Variants in TAFA1 observed in about 807,000 individuals in gnomAD.
TAFA1 encodes chemokine-like protein TAFA-1.
TAFA1 carries 4 observed loss-of-function variants against 18.5 expected under a neutral mutation model. The observed-to-expected ratio is 0.22, with a 90% CI of 0.11 to 0.49. The LOEUF (loss-of-function observed/expected upper bound fraction) is 0.49. Among genes scored for constraint, TAFA1 ranks in the 20% least tolerant of loss-of-function variants. TAFA1 has a pLI of 0.98. For synonymous variants in TAFA1, 56 were observed against 55.2 expected (o/e 1.01, Z -0.06); for missense variants, 147 against 169.0 (o/e 0.87, Z 0.72).
chr3:68,224,012 G>A (rs2066765200), intron 2 of TAFA1, among the ~76,000 whole-genome samples: 1 of 150,554 alleles, frequency 6.6e-6, no homozygotes, highest in Non-Finnish European at 1.5e-5. Flanking sequence ...AATTTATTGA[G>A]CCCAGATTTT....
chr3:68,384,046 T>C (rs1212415777), intron 2 of TAFA1, among the ~76,000 whole-genome samples: 2 of 152,224 alleles, frequency 1.3e-5, no homozygotes, highest in East Asian at 3.9e-4. Context: ...CATTTCTGAT[T>C]GTATTTATTT....
chr3:68,220,285 G>A (rs1010969929), intron 2 of TAFA1, among the ~76,000 whole-genome samples: 4 of 152,132 alleles, frequency 2.6e-5, no homozygotes, highest in African/African-American at 9.6e-5. Context: ...AAGGCTGAAT[G>A]AAGCCAGTTC....
intron 2 of TAFA1, among the ~76,000 whole-genome samples, chr3:68,281,969 A>G (rs2067906297): frequency 6.6e-6 from 1 of 152,194 alleles, no homozygotes; most frequent in South Asian, 2.1e-4. Context: ...TAATTGACCC[A>G]TAGTTCAGCA....
At chr3:68,496,083 G>T (rs1341213301) in intron 3 of TAFA1, among the ~76,000 whole-genome samples, 1 of 150,138 alleles carries the variant, frequency 6.7e-6, no homozygotes, top group Non-Finnish European at 1.5e-5. Flanking sequence ...TTTGGCTAAA[G>T]GATACCAAAA....
chr3:68,039,475 A>G (rs1313315704), intron 2 of TAFA1, among the ~76,000 whole-genome samples: 2 of 152,184 alleles, frequency 1.3e-5, no homozygotes, highest in African/African-American at 4.8e-5. Context: ...TATATGCACT[A>G]AGAAAATGTA....
chr3:68,513,088 G>A (rs1186234363), intron 3 of TAFA1, among the ~76,000 whole-genome samples: 1 of 152,046 alleles, frequency 6.6e-6, no homozygotes, highest in African/African-American at 2.4e-5. Flanking sequence ...CACCAATATC[G>A]ATGGCAAACA....
chr3:68,511,518 A>G (rs2665549), intron 3 of TAFA1, among the ~76,000 whole-genome samples: 32,696 of 152,042 alleles, frequency 0.22, 3,654 homozygotes, highest in African/African-American at 0.24. Context: ...GAGACAATCC[A>G]GTGTGAACTG....
At chr3:68,168,579 T>G (rs1371888075) in intron 2 of TAFA1, among the ~76,000 whole-genome samples, 1 of 152,230 alleles carries the variant, frequency 6.6e-6, no homozygotes, top group Non-Finnish European at 1.5e-5. Flanking sequence ...TGTCTTTTCT[T>G]TAGATCCTGG....
intron 3 of TAFA1, among the ~76,000 whole-genome samples, chr3:68,451,182 T>C (rs557565614): frequency 5.3e-5 from 8 of 152,268 alleles, no homozygotes; most frequent in Middle Eastern, 3.4e-3. Context: ...CAGATTTAGA[T>C]AAAAAATTAC....
At chr3:68,065,432 T>G (rs895048136) in intron 2 of TAFA1, among the ~76,000 whole-genome samples, 7 of 152,116 alleles carry the variant, frequency 4.6e-5, no homozygotes, top group African/African-American at 1.7e-4. Flanking sequence ...GCAAGCACAT[T>G]ACAAGGGCAC....
intron 2 of TAFA1, among the ~76,000 whole-genome samples, chr3:68,054,593 A>C (rs1196479742): frequency 6.6e-6 from 1 of 152,200 alleles, no homozygotes; most frequent in Non-Finnish European, 1.5e-5. Context: ...TTTGTGAATA[A>C]AGTTTTCTTG....
chr3:68,043,520 T>C (rs937339545), intron 2 of TAFA1, among the ~76,000 whole-genome samples: 1 of 152,200 alleles, frequency 6.6e-6, no homozygotes. Context: ...AGAATACTGC[T>C]CAGAAGCCAC....
intron 2 of TAFA1, among the ~76,000 whole-genome samples, chr3:68,204,386 T>C (rs1314463841): frequency 6.6e-6 from 1 of 151,790 alleles, no homozygotes; most frequent in Non-Finnish European, 1.5e-5. Context: ...ACACTGGCCT[T>C]TTGGTTAGCA....
intron 4 of TAFA1, among the ~76,000 whole-genome samples, chr3:68,544,213 C>A (rs1575967642): frequency 6.6e-6 from 1 of 152,074 alleles, no homozygotes; most frequent in African/African-American, 2.4e-5. Context: ...GCCTAGGAAA[C>A]CAGTCCTGGA....
At chr3:68,540,980 T>TA (rs1456369391) in intron 4 of TAFA1, among the ~76,000 whole-genome samples, 2 of 152,184 alleles carry the variant, frequency 1.3e-5, no homozygotes, top group Admixed American at 6.5e-5. Context: ...CACCATTTGC[T>TA]ACCTCCCTGG....
At chr3:68,465,629 C>G (rs888988593) in intron 3 of TAFA1, among the ~76,000 whole-genome samples, 2 of 152,160 alleles carry the variant, frequency 1.3e-5, no homozygotes, top group Admixed American at 1.3e-4. Flanking sequence ...CTATCTTGCT[C>G]TCCTGCTGGT....
chr3:68,385,633 T>G (rs1297661551), intron 2 of TAFA1, among the ~76,000 whole-genome samples: 1 of 152,128 alleles, frequency 6.6e-6, no homozygotes, highest in Non-Finnish European at 1.5e-5. Flanking sequence ...CTCAAGTGTT[T>G]GCTATGACTA....
chr3:68,322,981 C>T (rs1321014296), intron 2 of TAFA1, among the ~76,000 whole-genome samples: 1 of 152,022 alleles, frequency 6.6e-6, no homozygotes, highest in African/African-American at 2.4e-5. Context: ...CAGGACACTC[C>T]CAGTACAGCA....
At chr3:68,305,240 C>T (rs185459809) in intron 2 of TAFA1, among the ~76,000 whole-genome samples, 77 of 150,664 alleles carry the variant, frequency 5.1e-4, no homozygotes, top group Non-Finnish European at 8.7e-4. Context: ...TTTTTTCCCC[C>T]GATGTTTTCT....
Sources: gnomAD v4.1 joint callset for allele counts (sites outside exome capture counted in the v4.1 genomes callset) on GRCh38, gnomAD v4.1.1 for gene constraint, MANE v1.5 for transcripts, NCBI Gene and HGNC (gene_info 2026-07-23, HGNC 2026-07-21) for gene names.